NMUR1: variants seen among roughly 807,000 people sequenced by gnomAD.
NMUR1 encodes neuromedin-U receptor 1.
In NMUR1, 16 loss-of-function variants were observed where a neutral mutation model predicts 18.8. That is an observed-to-expected ratio of 0.85 (90% CI 0.58 to 1.29). The LOEUF (loss-of-function observed/expected upper bound fraction) is 1.29, where lower values mean the gene tolerates loss of function less well. NMUR1 is among the 50% of genes most tolerant of loss of function. The pLI, the probability that NMUR1 is intolerant of heterozygous loss-of-function variation, is 0.00. For synonymous variants in NMUR1, 258 were observed against 258.2 expected (o/e 1.00, Z 0.01); for missense variants, 529 against 580.3 (o/e 0.91, Z 0.91).
intron 2 of NMUR1, among the ~76,000 whole-genome samples, chr2:231,527,005 G>A (rs934553880): frequency 6.6e-6 from 1 of 152,160 alleles, no homozygotes; most frequent in African/African-American, 2.4e-5. Flanking sequence ...GCCTCGGGAT[G>A]GGGCTGTTTA....
Position 231,525,331 on chromosome 2 carries a change from G to A in NMUR1, c.993C>T (p.His331=). 4 of 1,613,696 alleles carry A rather than the reference G, an allele frequency of 2.5e-6. No individual in the cohort carries two copies. The highest frequency in any genetic ancestry group is 2.2e-5 in the East Asian group (1 of 44,826). The stretch of plus-strand genomic sequence containing the variant: ...TGACGTGCACGTGCTGGAAGGCCAG[G>A]TGCAGGCCATCTGTCCACTGTGACA... ...SVVSQWTDGL[H]LAFQHVHVIS... is the part of the protein sequence containing the mutation. The change falls in exon 3 of 3, where the codon CAC becomes CAT. Residue 331 remains histidine, a synonymous_variant. Coordinates refer to ENST00000305141, the MANE Select transcript of NMUR1 (RefSeq NM_006056.5).
At position 231,523,578 on chromosome 2, in the gene NMUR1, G is replaced by C. The variant is rs542745372; in HGVS notation, c.*1465C>G. ...CCTGTACCACGTCCTCCACTTTCTC[G>C]GCAGGGAGCATGAGCTATGGGCATG... On this transcript the variant is annotated 3_prime_UTR_variant, in exon 3 of 3. Transcript: ENST00000305141. 1 of 181,196 alleles carries C rather than the reference G, an allele frequency of 5.5e-6. No individual in the cohort carries two copies. Among genetic ancestry groups the C allele is most frequent in the East Asian group, 1.5e-4 (1 of 6,778 alleles). The allele number at this position is 181,196 out of a possible 1,614,324, so 11.2% of individuals were successfully genotyped here.
In NMUR1 at chr2:231,528,617, T is replaced by G. The variant is rs142643751; in HGVS notation, c.404A>C (p.Tyr135Ser). The change falls in exon 2 of 3, where the codon TAT (tyrosine) becomes TCT (serine). Residue 135 changes from tyrosine to serine, a missense_variant. Coordinates refer to ENST00000305141, the MANE Select transcript of NMUR1 (RefSeq NM_006056.5). ...CATCTCAAACAGTAGCGTGCGGAAA[T>G]AGCAGCCACCAACGCCCAGCAGGAA... ...YPFLLGVGGC[Y>S]FRTLLFEMVC... 63 of 1,614,088 alleles carry G rather than the reference T, an allele frequency of 3.9e-5. No homozygotes were observed. The East Asian group carries it at 1.4e-3, about 35-fold the overall frequency.
chr2:231,525,970 A>ACG (rs755952426), intron 2 of NMUR1, among the ~76,000 whole-genome samples: 1 of 142,334 alleles, frequency 7.0e-6, no homozygotes, highest in Non-Finnish European at 1.6e-5. Flanking sequence ...ACACACATGC[A>ACG]CACACACACA....
In NMUR1 at chr2:231,528,807, C is replaced by T. The variant is rs1218630180; in HGVS notation, c.214G>A (p.Val72Met). The T allele has an allele frequency of 6.2e-6, 10 of 1,614,122 alleles. No individual in the cohort carries two copies. The highest frequency in any genetic ancestry group is 4.5e-5 in the East Asian group (2 of 44,896). ...PICATYLLIFVVGAVGNGLTC... is the reference protein window; with the variant it reads ...PICATYLLIFMVGAVGNGLTC... ...AGCCCATTGCCCACAGCGCCCACCA[C>T]GAAGATCAGCAGGTATGTGGCACAG... Residue 72 changes from valine (V) to methionine (M), a missense_variant, in exon 2 of 3, where the codon GTG becomes ATG. Physicochemically the swap from Val to Met is conservative, Grantham distance 21. Transcript: ENST00000305141.
downstream of NMUR1, among the ~76,000 whole-genome samples, chr2:231,522,577 CT>C (rs1159475385): frequency 6.6e-6 from 1 of 151,962 alleles, no homozygotes; most frequent in Non-Finnish European, 1.5e-5. Context: ...TCTGCAGAAT[CT>C]CCCTGTCCCT....
intron 2 of NMUR1, among the ~76,000 whole-genome samples, chr2:231,525,788 G>T (rs754906030): frequency 6.6e-6 from 1 of 152,252 alleles, no homozygotes; most frequent in African/African-American, 2.4e-5. Flanking sequence ...CAAGCTGTGG[G>T]GCTAGGGCCA....
At position 231,528,299 on chromosome 2, in the gene NMUR1, CAGA is replaced by C. The variant is rs779195143; in HGVS notation, c.719_721del (p.Phe240del). ...CACGCTCATGATGGCCATGGGCAGG[CAGA>C]AGAAGAGCAGCGCGGTGGTCTGCAC... On this transcript the variant is annotated inframe_deletion, in exon 2 of 3. Transcript: ENST00000305141. 17 of 1,613,128 alleles carry C rather than the reference CAGA, an allele frequency of 1.1e-5. No individual in the cohort carries two copies. The African/African-American group carries it at 1.2e-4, about 11-fold the overall frequency.
Position 231,528,490 on chromosome 2 carries a change from A to G in NMUR1, c.531T>C (p.His177=). ...LQARSMVTRA[H]VRRVLGAVWG... ...AGACGGCCCCAAGCACTCGGCGCAC[A>G]TGGGCCCGCGTCACCATGGACCTGG... Residue 177 remains histidine, a synonymous_variant, in exon 2 of 3, where the codon CAT becomes CAC. Coordinates refer to ENST00000305141, the MANE Select transcript of NMUR1 (RefSeq NM_006056.5). 1.2e-6 allele frequency: 2 copies of G among 1,613,726 alleles called. No individual in the cohort carries two copies. Among genetic ancestry groups the G allele is most frequent in the South Asian group, 1.1e-5 (1 of 91,074 alleles).
At chr2:231,521,267 G>C (rs1251201688), downstream of NMUR1, among the ~76,000 whole-genome samples, 1 of 152,176 alleles carries the variant, frequency 6.6e-6, no homozygotes, top group Non-Finnish European at 1.5e-5. Context: ...GGTCCTACTT[G>C]AGAGGCTGAG....
downstream of NMUR1, among the ~76,000 whole-genome samples, chr2:231,521,096 C>T (rs948571440): frequency 3.3e-5 from 5 of 152,148 alleles, no homozygotes; most frequent in African/African-American, 9.7e-5. Context: ...TAAATATGGC[C>T]GGATGCAGTG....
At chr2:231,527,665 A>T (rs1283012987) in intron 2 of NMUR1, among the ~76,000 whole-genome samples, 4 of 146,762 alleles carry the variant, frequency 2.7e-5, no homozygotes, top group Non-Finnish European at 4.5e-5. Flanking sequence ...AAAAAAGAAG[A>T]GGAGAGACCT....
At position 231,528,690 on chromosome 2, in the gene NMUR1, G is replaced by A. The variant is rs779099728; in HGVS notation, c.331C>T (p.Leu111=). ...TAGAGCTCCAGGGGCAGGCCCACCA[G>A]CAGCACCAGCAGGTCCGACACGGCC... is the stretch of plus-strand genomic sequence containing the variant. ...SLAVSDLLVL[L]VGLPLELYEM... Residue 111 remains leucine, a synonymous_variant, in exon 2 of 3, where the codon CTG becomes TTG. Coordinates refer to ENST00000305141, the MANE Select transcript of NMUR1 (RefSeq NM_006056.5). 9 of 1,614,264 alleles carry A rather than the reference G, an allele frequency of 5.6e-6. No individual in the cohort carries two copies. In the East Asian group the frequency reaches 8.9e-5, roughly 16 times the overall value.
downstream of NMUR1, among the ~76,000 whole-genome samples, chr2:231,521,131 T>TTC (rs1441023671): frequency 6.6e-6 from 1 of 152,194 alleles, no homozygotes; most frequent in Non-Finnish European, 1.5e-5. Context: ...TCCCAGTACT[T>TTC]TAAGAGGCCA....
At chr2:231,521,973 C>CTCTCTTTTTTTTTTTTTTTT (rs71396675), downstream of NMUR1, among the ~76,000 whole-genome samples, 2 of 83,828 alleles carry the variant, frequency 2.4e-5, no homozygotes, top group Non-Finnish European at 4.4e-5. Flanking sequence ...TTTTTTTTCT[C>CTCTCTTTTTTTTTTTTTTTT]TTTTTTTTTT....
At chr2:231,527,595 G>C (rs565817931) in intron 2 of NMUR1, among the ~76,000 whole-genome samples, 2 of 149,286 alleles carry the variant, frequency 1.3e-5, no homozygotes, top group African/African-American at 5.0e-5. Flanking sequence ...GCAGTGAGCC[G>C]TGGTCACACC....
At chr2:231,522,933 T>TGCCTCCCCCG, downstream of NMUR1, among the ~76,000 whole-genome samples, 1 of 152,096 alleles carries the variant, frequency 6.6e-6, no homozygotes, top group South Asian at 2.1e-4. Flanking sequence ...AGGGACTTAG[T>TGCCTCCCCCG]AGGCAGGGGG....
intron 2 of NMUR1, 97 bp from the exon 3 acceptor site, chr2:231,525,522 T>G: frequency 7.4e-6 from 10 of 1,345,514 alleles, no homozygotes; most frequent in Non-Finnish European, 1.0e-5. Context: ...CATCCTCTCC[T>G]ATCCCACAGG....
At chr2:231,529,055 T>C (rs946560876) in intron 1 of NMUR1, 38 bp from the exon 2 acceptor site, 1 of 1,549,810 alleles carries the variant, frequency 6.5e-7, no homozygotes, top group Admixed American at 1.8e-5. Context: ...GAAAGATCAT[T>C]CAGGGAATGC....
Sources: gnomAD v4.1 joint callset for allele counts (sites outside exome capture counted in the v4.1 genomes callset) on GRCh38, gnomAD v4.1.1 for gene constraint, MANE v1.5 for transcripts, NCBI Gene and HGNC (gene_info 2026-07-23, HGNC 2026-07-21) for gene names.